Variants in NLRP11 observed in about 807,000 individuals in gnomAD.
NLRP11 encodes the protein NLR family pyrin domain containing 11.
In NLRP11, 53 loss-of-function variants were observed where a neutral mutation model predicts 79.3. That is an observed-to-expected ratio of 0.67 (90% CI 0.54 to 0.84). The LOEUF (loss-of-function observed/expected upper bound fraction) is 0.84. Ranked by LOEUF, NLRP11 falls within the 40% of genes least tolerant of loss-of-function variation. NLRP11 has a pLI of 0.00. For missense variants in NLRP11, 1,264 were observed against 1,255.0 expected, an observed-to-expected ratio of 1.01 and a Z score of -0.11; for synonymous variants, 518 against 462.6, an observed-to-expected ratio of 1.12 and a Z score of -1.54.
At chr19:55,808,789 T>C in exon 3 of NLRP11, 1 of 1,609,746 alleles carries the variant, frequency 6.2e-7, no homozygotes, top group Non-Finnish European at 8.5e-7. Flanking sequence ...GCCTTATAAG[T>C]GGCTCTTTGT....
intron 4 of NLRP11, among the ~76,000 whole-genome samples, chr19:55,806,497 G>A (rs932235521): frequency 5.9e-5 from 9 of 152,110 alleles, no homozygotes; most frequent in African/African-American, 1.9e-4. Context: ...CATATGCCCC[G>A]GAGTTCGCAC....
chr19:55,802,897 C>T (rs954130358), intron 4 of NLRP11, among the ~76,000 whole-genome samples: 2 of 152,122 alleles, frequency 1.3e-5, no homozygotes, highest in Non-Finnish European at 2.9e-5. Flanking sequence ...ACAAAGCTGA[C>T]AAAGACAAGC....
intron 4 of NLRP11, among the ~76,000 whole-genome samples, 161 bp downstream of exon 4, chr19:55,807,692 T>C (rs922536330): frequency 1.3e-5 from 2 of 152,172 alleles, no homozygotes; most frequent in African/African-American, 4.8e-5. Flanking sequence ...GTCATCTTTA[T>C]CATAGACACA....
chr19:55,802,147 G>A (rs538255832), intron 4 of NLRP11, among the ~76,000 whole-genome samples: 10 of 152,266 alleles, frequency 6.6e-5, no homozygotes, highest in South Asian at 4.1e-4. Flanking sequence ...AAATTACTCC[G>A]TTTCAGCAGT....
At chr19:55,818,164 G>A (rs1436611350) in exon 2 of NLRP11, 4 of 1,611,200 alleles carry the variant, frequency 2.5e-6, no homozygotes, top group African/African-American at 2.7e-5. Context: ...AGTAGAATCC[G>A]ATTCTGCCAT....
intron 4 of NLRP11, among the ~76,000 whole-genome samples, chr19:55,807,489 T>C (rs545254883): frequency 2.0e-5 from 3 of 152,128 alleles, no homozygotes; most frequent in Non-Finnish European, 2.9e-5. Context: ...TTTGTAGTTA[T>C]ATGAAGCCGT....
intron 2 of NLRP11, among the ~76,000 whole-genome samples, chr19:55,813,107 C>A (rs1353196933): frequency 6.6e-6 from 1 of 152,138 alleles, no homozygotes; most frequent in East Asian, 1.9e-4. Context: ...GCGGGCAGAT[C>A]ACCTGAGGTC....
chr19:55,792,342 C>T (rs370425219), exon 7 of NLRP11: 70 of 1,614,154 alleles, frequency 4.3e-5, no homozygotes, highest in Admixed American at 2.8e-4. Flanking sequence ...GCAAGGGAAA[C>T]GTCACATGCA....
chr19:55,833,917 T>G (rs1983020661), upstream of NLRP11, among the ~76,000 whole-genome samples: 1 of 151,812 alleles, frequency 6.6e-6, no homozygotes, highest in African/African-American at 2.4e-5. Context: ...GAACTATTCA[T>G]TAAATGGAGC....
chr19:55,829,335 C>G (rs1020396267), intron 1 of NLRP11, among the ~76,000 whole-genome samples: 2 of 151,784 alleles, frequency 1.3e-5, no homozygotes, highest in Non-Finnish European at 2.9e-5. Context: ...TTAGATATTT[C>G]CGGTGCATTA....
At chr19:55,785,561 C>A in exon 10 of NLRP11, 3 of 1,381,662 alleles carry the variant, frequency 2.2e-6, no homozygotes, top group Non-Finnish European at 2.0e-6. Flanking sequence ...AATTATAGTC[C>A]TAATTCTCTT....
chr19:55,798,721 T>A (rs912535781), intron 5 of NLRP11, among the ~76,000 whole-genome samples: 9 of 142,102 alleles, frequency 6.3e-5, no homozygotes, highest in African/African-American at 2.3e-4. Flanking sequence ...AAAATAAAGC[T>A]ATGTTTTGCT....
At chr19:55,789,321 G>C in exon 8 of NLRP11, 1 of 1,614,038 alleles carries the variant, frequency 6.2e-7, no homozygotes, top group Non-Finnish European at 8.5e-7. Context: ...CAATCTCCAG[G>C]CTCCTCAGTT....
At chr19:55,804,208 T>G (rs974377516) in intron 4 of NLRP11, among the ~76,000 whole-genome samples, 2 of 152,220 alleles carry the variant, frequency 1.3e-5, no homozygotes, top group Non-Finnish European at 2.9e-5. Flanking sequence ...AGTGTAGTGA[T>G]TCCTCAAAGA....
At chr19:55,802,343 A>G (rs888210936) in intron 4 of NLRP11, among the ~76,000 whole-genome samples, 3 of 152,214 alleles carry the variant, frequency 2.0e-5, no homozygotes, top group Non-Finnish European at 4.4e-5. Flanking sequence ...AATAAAATCA[A>G]TGTACAAAAA....
chr19:55,812,766 G>A (rs1483166190), intron 2 of NLRP11, among the ~76,000 whole-genome samples: 1 of 152,128 alleles, frequency 6.6e-6, no homozygotes, highest in Non-Finnish European at 1.5e-5. Context: ...AGAAAAGCCT[G>A]TCAAGGACGT....
intron 1 of NLRP11, among the ~76,000 whole-genome samples, chr19:55,829,651 T>G (rs914903364): frequency 2.0e-4 from 19 of 96,736 alleles, no homozygotes; most frequent in African/African-American, 7.9e-4. Flanking sequence ...TGGGCGAGAC[T>G]CCGTCTCAAA....
chr19:55,822,517 A>C (rs1159585735), intron 1 of NLRP11, among the ~76,000 whole-genome samples: 1 of 151,914 alleles, frequency 6.6e-6, no homozygotes, highest in Non-Finnish European at 1.5e-5. Context: ...TCATCTCACT[A>C]GGGAGTGCCA....
intron 9 of NLRP11, among the ~76,000 whole-genome samples, chr19:55,786,734 T>C (rs939552432): frequency 6.6e-6 from 1 of 152,102 alleles, no homozygotes; most frequent in African/African-American, 2.4e-5. Flanking sequence ...GCACCTATAA[T>C]ACTGAAGGAA....
Sources: gnomAD v4.1 joint callset for allele counts (sites outside exome capture counted in the v4.1 genomes callset) on GRCh38, gnomAD v4.1.1 for gene constraint, MANE v1.5 for transcripts, NCBI Gene and HGNC (gene_info 2026-07-23, HGNC 2026-07-21) for gene names.